DLGAP2: variants seen among roughly 807,000 people sequenced by gnomAD.
DLGAP2 encodes the protein disks large-associated protein 2.
A neutral mutation model predicts 100.3 loss-of-function variants in DLGAP2; 26 were observed. That is an observed-to-expected ratio of 0.26 (90% CI 0.19 to 0.36). The LOEUF (loss-of-function observed/expected upper bound fraction) is 0.36. Among genes scored for constraint, DLGAP2 ranks in the 10% least tolerant of loss-of-function variants. The pLI, the probability that DLGAP2 is intolerant of heterozygous loss-of-function variation, is 1.00. For synonymous variants in DLGAP2, 886 were observed against 630.1 expected (o/e 1.41, Z -6.08); for missense variants, 1,858 against 1,453.2 (o/e 1.28, Z -4.53).
chr8:928,547 C>T (rs922343119), intron 2 of DLGAP2, among the ~76,000 whole-genome samples: 9 of 151,994 alleles, frequency 5.9e-5, no homozygotes, highest in African/African-American at 2.2e-4. Context: ...GTACTTGACA[C>T]CTTGCAAAGG....
At chr8:1,574,511 C>G (rs886160868) in intron 6 of DLGAP2, among the ~76,000 whole-genome samples, 3 of 152,162 alleles carry the variant, frequency 2.0e-5, no homozygotes, top group African/African-American at 7.2e-5. Flanking sequence ...GCAGCAGAAT[C>G]TCCCCTCGGT....
At chr8:1,246,638 C>G (rs541842210) in intron 2 of DLGAP2, among the ~76,000 whole-genome samples, 1 of 152,250 alleles carries the variant, frequency 6.6e-6, no homozygotes, top group Non-Finnish European at 1.5e-5. Context: ...GACAATTGCA[C>G]CTGCTTTCAC....
rs569193449 is a variant in DLGAP2, at chr8:1,632,373, G to A, written c.1591-454G>A. Among the ~76,000 whole-genome samples, 38 of 152,302 alleles carry A rather than the reference G, an allele frequency of 2.5e-4. 1 individual carries two copies. The South Asian group carries it at 7.5e-3, about 30-fold the overall frequency. On this transcript the variant is annotated intron_variant, in intron 7 of 14. Coordinates refer to ENST00000637795, the MANE Select transcript of DLGAP2 (RefSeq NM_001346810.2). ...ATATTCTGAAAAAGAACTGAGTAGT[G>A]TATGCACTGAATGTGCTTTCCCTTA...
chr8:1,241,272 T>C (rs951534903), intron 2 of DLGAP2, among the ~76,000 whole-genome samples: 39 of 151,114 alleles, frequency 2.6e-4, no homozygotes, highest in African/African-American at 8.5e-4. Flanking sequence ...TTCTCTCACA[T>C]GGCTCCGTGT....
At chr8:1,305,702 C>G (rs1800473472) in intron 3 of DLGAP2, among the ~76,000 whole-genome samples, 1 of 152,184 alleles carries the variant, frequency 6.6e-6, no homozygotes, top group Admixed American at 6.5e-5. Flanking sequence ...AAAAATTACA[C>G]TGAAAACATA....
chr8:1,433,954 G>C (rs1387837928), intron 3 of DLGAP2, among the ~76,000 whole-genome samples: 1 of 152,070 alleles, frequency 6.6e-6, no homozygotes, highest in Non-Finnish European at 1.5e-5. Flanking sequence ...CAAACCACAA[G>C]CCAAGATTCT....
intron 2 of DLGAP2, among the ~76,000 whole-genome samples, chr8:1,224,820 G>A (rs1385311152): frequency 6.6e-6 from 1 of 152,202 alleles, no homozygotes; most frequent in African/African-American, 2.4e-5. Flanking sequence ...TGGTCAACAA[G>A]CACGTGATAA....
chr8:1,061,961 T>G (rs1407182992), intron 2 of DLGAP2, among the ~76,000 whole-genome samples: 1 of 151,772 alleles, frequency 6.6e-6, no homozygotes, highest in African/African-American at 2.4e-5. Context: ...CATTTATGGC[T>G]ACTAGAGCAA....
At chr8:1,172,975 A>AT (rs1262065974) in intron 2 of DLGAP2, among the ~76,000 whole-genome samples, 1 of 151,162 alleles carries the variant, frequency 6.6e-6, no homozygotes, top group Non-Finnish European at 1.5e-5. Context: ...TAGAGTTTCC[A>AT]TTTTTTCTGC....
chr8:1,572,738 G>GTAT (rs1223258036), intron 6 of DLGAP2, among the ~76,000 whole-genome samples: 1 of 93,688 alleles, frequency 1.1e-5, no homozygotes, highest in Admixed American at 1.1e-4. Flanking sequence ...AGGGTGAACT[G>GTAT]TGGGGGCGTC....
intron 2 of DLGAP2, among the ~76,000 whole-genome samples, chr8:922,645 A>G (rs1275677406): frequency 6.6e-6 from 1 of 152,204 alleles, no homozygotes; most frequent in Admixed American, 6.5e-5. Context: ...CATGAACCAT[A>G]TCTAATAGAA....
chr8:798,519 AG>A (rs1796083734), intron 1 of DLGAP2, among the ~76,000 whole-genome samples: 1 of 137,082 alleles, frequency 7.3e-6, no homozygotes. Flanking sequence ...TTGTTGCGTC[AG>A]GACCTGCAGC....
chr8:931,444 C>G (rs1026904798), intron 2 of DLGAP2, among the ~76,000 whole-genome samples: 1 of 152,196 alleles, frequency 6.6e-6, no homozygotes, highest in Non-Finnish European at 1.5e-5. Flanking sequence ...GCCTGTGATT[C>G]CTTCTTAAAT....
At chr8:1,390,945 G>A (rs934097832) in intron 3 of DLGAP2, among the ~76,000 whole-genome samples, 2 of 152,196 alleles carry the variant, frequency 1.3e-5, no homozygotes, top group African/African-American at 4.8e-5. Flanking sequence ...CAGTCAGCAT[G>A]GCAGCACTGA....
chr8:812,921 G>T (rs2132673067), intron 1 of DLGAP2, among the ~76,000 whole-genome samples: 1 of 152,278 alleles, frequency 6.6e-6, no homozygotes, highest in East Asian at 1.9e-4. Context: ...TAGTGCTTTT[G>T]AATACATTTA....
intron 3 of DLGAP2, among the ~76,000 whole-genome samples, chr8:1,410,426 C>T (rs1233564522): frequency 1.3e-5 from 2 of 152,208 alleles, no homozygotes; most frequent in Non-Finnish European, 2.9e-5. Flanking sequence ...CCTTTTTATT[C>T]TCTCCCCTCA....
chr8:871,718 T>A (rs1000735275), intron 1 of DLGAP2, among the ~76,000 whole-genome samples: 4 of 152,112 alleles, frequency 2.6e-5, no homozygotes, highest in Middle Eastern at 3.4e-3. Flanking sequence ...AAAAAACCAA[T>A]TTGAAGTACT....
At chr8:1,302,025 C>G (rs960278429) in intron 3 of DLGAP2, 6 of 152,396 alleles carry the variant, frequency 3.9e-5, no homozygotes, top group East Asian at 1.9e-4. Flanking sequence ...ACTAGGCATT[C>G]TGTTCTTAAA....
intron 2 of DLGAP2, among the ~76,000 whole-genome samples, chr8:1,153,032 G>C (rs1796722658): frequency 6.6e-6 from 1 of 152,152 alleles, no homozygotes; most frequent in Non-Finnish European, 1.5e-5. Context: ...CTTTACTCAT[G>C]CTTAAGATTC....
Sources: allele counts gnomAD v4.1 joint callset (sites outside exome capture counted in the v4.1 genomes callset), GRCh38; gene constraint gnomAD v4.1.1; transcripts MANE v1.5; gene names NCBI Gene and HGNC (gene_info 2026-07-23, HGNC 2026-07-21).